The following TXNDC16 variants were observed in gnomAD, a reference collection of about 807,000 sequenced individuals.
TXNDC16 encodes thioredoxin domain containing 16.
In TXNDC16, 74 loss-of-function variants were observed where a neutral mutation model predicts 85.6. The ratio of observed to expected loss-of-function variants is 0.86; its 90% confidence interval spans 0.72 to 1.05. The LOEUF is 1.05. TXNDC16 is among the 50% of genes least tolerant of loss of function. The pLI, the probability that TXNDC16 is intolerant of heterozygous loss-of-function variation, is 0.00. For synonymous variants in TXNDC16, 335 were observed against 326.5 expected, an observed-to-expected ratio of 1.03 and a Z score of -0.28; for missense variants, 959 against 947.0, an observed-to-expected ratio of 1.01 and a Z score of -0.17.
Position 52,488,425 on chromosome 14 carries a change from T to C in TXNDC16, c.1046A>G (p.Asn349Ser). The C allele has an allele frequency of 6.2e-7, 1 of 1,612,952 alleles. No homozygotes were observed. The highest frequency in any genetic ancestry group is 8.5e-7 in the Non-Finnish European group (1 of 1,179,060). ...DVDLIISHVE[N>S]NMHIEEIQED... ...TTGTATTTCCTCAATGTGCATATTA[T>C]TTTCCACATGAGATATTATTAAATC... Residue 349 changes from asparagine to serine, a missense_variant, in exon 12 of 21, where the codon AAT becomes AGT. Transcript: ENST00000281741.
chr14:52,466,228 A>G (rs918042153), intron 16 of TXNDC16, among the ~76,000 whole-genome samples: 3 of 151,726 alleles, frequency 2.0e-5, no homozygotes, highest in Non-Finnish European at 4.4e-5. Flanking sequence ...CCCCATCTCT[A>G]CTAAAAATAC....
chr14:52,446,154 G>C (rs2035279169), intron 18 of TXNDC16, among the ~76,000 whole-genome samples: 1 of 152,194 alleles, frequency 6.6e-6, no homozygotes, highest in Non-Finnish European at 1.5e-5. Context: ...ATCGCTCAAA[G>C]AGGCACTGAA....
At chr14:52,468,734 G>C (rs975593691) in intron 16 of TXNDC16, among the ~76,000 whole-genome samples, 1 of 151,662 alleles carries the variant, frequency 6.6e-6, no homozygotes, top group Non-Finnish European at 1.5e-5. Context: ...AAAAATTAGT[G>C]GGCATGGTGG....
At chr14:52,433,557 G>A (rs569422448) in intron 20 of TXNDC16, among the ~76,000 whole-genome samples, 1 of 152,224 alleles carries the variant, frequency 6.6e-6, no homozygotes, top group Non-Finnish European at 1.5e-5. Context: ...GTATCTTTAA[G>A]AGCTTAGAAA....
chr14:52,542,119 T>C (rs913396850), intron 4 of TXNDC16, among the ~76,000 whole-genome samples: 2 of 152,012 alleles, frequency 1.3e-5, no homozygotes, highest in South Asian at 2.1e-4. Context: ...ATGGGCCCAA[T>C]AGAATGGTTT....
intron 1 of TXNDC16, among the ~76,000 whole-genome samples, chr14:52,547,612 G>C (rs1163903234): frequency 1.3e-5 from 2 of 152,186 alleles, no homozygotes; most frequent in East Asian, 3.8e-4. Flanking sequence ...TTCAACCGTA[G>C]ATTGCTACAA....
chr14:52,498,949 GC>G (rs2036593601), intron 9 of TXNDC16, among the ~76,000 whole-genome samples: 1 of 152,066 alleles, frequency 6.6e-6, no homozygotes, highest in Admixed American at 6.5e-5. Context: ...AATCAAAATA[GC>G]CTAGTACTGG....
chr14:52,503,834 T>C (rs2036722144), intron 9 of TXNDC16, among the ~76,000 whole-genome samples: 1 of 152,134 alleles, frequency 6.6e-6, no homozygotes, highest in South Asian at 2.1e-4. Context: ...TGAAAAAAGA[T>C]TAGACGAATG....
rs1318038635 is a variant in TXNDC16 at position 52,457,021 on chromosome 14, A to G, written c.1703+69T>C. The stretch of plus-strand genomic sequence containing the variant: ...TTCCTCCATCAGCTGTGTAAATATA[A>G]GCAATTATTAGATAACATTATTTTG... On this transcript the variant is annotated intron_variant, in intron 17 of 20. Transcript: ENST00000281741. 8 of 1,100,206 alleles carry G rather than the reference A, an allele frequency of 7.3e-6. No individual in the cohort carries two copies. The African/African-American group carries it at 1.1e-4, about 16-fold the overall frequency. 68.2% of individuals were successfully genotyped at this position (1,100,206 alleles called of 1,614,324 possible). A position where few individuals can be genotyped will look rare whatever the true frequency, so the allele number is the denominator to read the frequency against.
intron 1 of TXNDC16, among the ~76,000 whole-genome samples, chr14:52,545,039 T>C (rs2037913764): frequency 6.6e-6 from 1 of 152,166 alleles, no homozygotes; most frequent in South Asian, 2.1e-4. Context: ...CATGCATTTC[T>C]GAGGCTAAGA....
intron 7 of TXNDC16, among the ~76,000 whole-genome samples, chr14:52,516,512 T>C (rs1358336402): frequency 6.6e-6 from 1 of 152,174 alleles, no homozygotes; most frequent in Non-Finnish European, 1.5e-5. Flanking sequence ...CTCTGGAAGA[T>C]TTTAGAGTAG....
chr14:52,435,277 T>C (rs547689579), intron 20 of TXNDC16, among the ~76,000 whole-genome samples: 1 of 143,538 alleles, frequency 7.0e-6, no homozygotes, highest in African/African-American at 2.6e-5. Context: ...TTTTTTTAAG[T>C]AATTCTGTTT....
At position 52,485,605 on chromosome 14, in the gene TXNDC16, T is replaced by C. The variant is rs144432750; in HGVS notation, c.1109-2640A>G. 3.1e-3 allele frequency among the ~76,000 whole-genome samples: 469 copies of C among 152,340 alleles called. 2 individuals carry two copies. The highest frequency in any genetic ancestry group is 0.011 in the African/African-American group (453 of 41,564). On this transcript the variant is annotated intron_variant, in intron 12 of 20. Transcript: ENST00000281741. Reference sequence around the variant, plus strand: ...TACAAGTGTACCATTTTTTATCTTTTATACCATGTTTTTATTGTACCTCTT... The same window carrying C: ...TACAAGTGTACCATTTTTTATCTTTCATACCATGTTTTTATTGTACCTCTT...
At chr14:52,545,295 A>G (rs746362294) in intron 1 of TXNDC16, among the ~76,000 whole-genome samples, 76 of 152,184 alleles carry the variant, frequency 5.0e-4, no homozygotes, top group Admixed American at 1.2e-3. Flanking sequence ...ATACTTTCCC[A>G]TATTTCCTAT....
chr14:52,528,924 T>C (rs1159013382), intron 6 of TXNDC16, among the ~76,000 whole-genome samples: 1 of 147,532 alleles, frequency 6.8e-6, no homozygotes, highest in African/African-American at 2.5e-5. Flanking sequence ...TAATACCTAT[T>C]ATATATTGTC....
Position 52,470,656 on chromosome 14 carries a change from C to A in TXNDC16, c.1337G>T (p.Arg446Ile). 1.2e-6 allele frequency: 2 copies of A among 1,608,988 alleles called. No homozygotes were observed. Among genetic ancestry groups the A allele is most frequent in the Non-Finnish European group, 1.7e-6 (2 of 1,177,818 alleles). ...LKGTSTMLLT[R>I]INCADWSDVC... is the part of the protein sequence containing the mutation. The stretch of plus-strand genomic sequence containing the variant: ...ATCAGACCAATCTGCACAGTTTATT[C>A]TAGTAAGAAGCATAGTAGATGTGCC... Residue 446 changes from arginine (R) to isoleucine (I), a missense_variant, in exon 15 of 21, where the codon AGA becomes ATA. By Grantham distance (97) the Arg-to-Ile change is moderately conservative. Coordinates refer to ENST00000281741, the MANE Select transcript of TXNDC16 (RefSeq NM_020784.3).
Position 52,455,477 on chromosome 14 carries a change from A to G in TXNDC16, c.1704-15T>C. On this transcript the variant is annotated splice_polypyrimidine_tract_variant and intron_variant, in intron 17 of 20. Coordinates refer to ENST00000281741, the MANE Select transcript of TXNDC16 (RefSeq NM_020784.3). Reference sequence around the variant, plus strand: ...ATTTGGTTGACCTATGGAGAAAGGCAGTATTAAAATTCACGATCAAAATCT... The same window carrying G: ...ATTTGGTTGACCTATGGAGAAAGGCGGTATTAAAATTCACGATCAAAATCT... 2 of 1,613,188 alleles carry G rather than the reference A, an allele frequency of 1.2e-6. No individual in the cohort carries two copies. Among genetic ancestry groups the G allele is most frequent in the Non-Finnish European group, 1.7e-6 (2 of 1,179,628 alleles).
Position 52,519,242 on chromosome 14 carries a change from C to G in TXNDC16, c.444G>C (p.Gln148His). ...TTCCTTTCAGAGCATTTTCTATGTT[C>G]TGAAGGTCTTCCAGGTTGGTAATAT... ...VKYITNLEDL[Q>H]NIENALKGKA... The change falls in exon 7 of 21, where the codon CAG becomes CAC. Residue 148 changes from glutamine (Q) to histidine (H), a missense_variant. Transcript: ENST00000281741. The G allele has an allele frequency of 6.2e-7, 1 of 1,608,746 alleles. No individual in the cohort carries two copies. Among genetic ancestry groups the G allele is most frequent in the East Asian group, 2.2e-5 (1 of 44,686 alleles).
At chr14:52,484,942 A>G (rs191548412) in intron 12 of TXNDC16, among the ~76,000 whole-genome samples, 178 of 152,318 alleles carry the variant, frequency 1.2e-3, no homozygotes, top group Middle Eastern at 0.01. Context: ...CTTGATAATG[A>G]TAATAAAGGA....
Sources: gnomAD v4.1 joint callset for allele counts (sites outside exome capture counted in the v4.1 genomes callset) on GRCh38, gnomAD v4.1.1 for gene constraint, MANE v1.5 for transcripts, NCBI Gene and HGNC (gene_info 2026-07-23, HGNC 2026-07-21) for gene names.